The following AGAP1 variants were observed in gnomAD, a reference collection of about 807,000 sequenced individuals.
The protein encoded by AGAP1 is ArfGAP with GTPase domain, ankyrin repeat and PH domain 1.
A neutral mutation model predicts 105.3 loss-of-function variants in AGAP1; 29 were observed. The observed-to-expected ratio is 0.28, with a 90% CI of 0.21 to 0.38. The LOEUF is 0.38. AGAP1 is among the 10% of genes least tolerant of loss of function. The pLI, the probability that AGAP1 is intolerant of heterozygous loss-of-function variation, is 1.00. For missense variants in AGAP1, 998 were observed against 1,165.1 expected (o/e 0.86, Z 2.09); for synonymous variants, 509 against 485.9 (o/e 1.05, Z -0.63).
At chr2:235,738,406 G>T (rs1559416499) in intron 3 of AGAP1, among the ~76,000 whole-genome samples, 1 of 151,956 alleles carries the variant, frequency 6.6e-6, no homozygotes, top group African/African-American at 2.4e-5. Context: ...TTACGTGCTG[G>T]AGGTCACTCA....
Position 235,750,820 on chromosome 2 carries a change from C to A in AGAP1, c.673+332C>A, listed in dbSNP as rs1953362987. Among the ~76,000 whole-genome samples the A allele has an allele frequency of 6.6e-6, 1 of 152,082 alleles. No individual in the cohort carries two copies. Among genetic ancestry groups the A allele is most frequent in the Non-Finnish European group, 1.5e-5 (1 of 68,026 alleles). ...CTGTAAAACTTGTTTGTGAGCATTTCTTTATTGTAATTGCCCATTCTTAAT... is the reference window on the plus strand; with the variant it reads ...CTGTAAAACTTGTTTGTGAGCATTTATTTATTGTAATTGCCCATTCTTAAT... On this transcript the variant is annotated intron_variant, in intron 6 of 17. Coordinates refer to ENST00000304032, the MANE Select transcript of AGAP1 (RefSeq NM_001037131.3). This position sits in a 1 kb window ranked among gnomAD's most constrained non-coding sequence, Gnocchi z 5.3.
chr2:235,576,315 G>A (rs1394885529), intron 1 of AGAP1, among the ~76,000 whole-genome samples: 1 of 152,168 alleles, frequency 6.6e-6, no homozygotes, highest in East Asian at 1.9e-4. Flanking sequence ...GTGTTTGGGG[G>A]CCAGAAGTTG....
intron 8 of AGAP1, among the ~76,000 whole-genome samples, chr2:235,803,630 AC>A (rs1360792730): frequency 1.3e-5 from 2 of 152,146 alleles, no homozygotes; most frequent in African/African-American, 4.8e-5. Context: ...TTTTTCCAAT[AC>A]CATTTTACAC....
chr2:235,651,178 C>T (rs1205207567), intron 1 of AGAP1, among the ~76,000 whole-genome samples: 23 of 87,782 alleles, frequency 2.6e-4, no homozygotes, highest in Non-Finnish European at 4.6e-4. Flanking sequence ...GAGTGAAACT[C>T]CATCTCAAAA....
Position 235,519,712 on chromosome 2 carries a change from G to A in AGAP1, c.163+24863G>A, listed in dbSNP as rs552809803. ...TGTAGAATAAGCGTAATGATCTCCT[G>A]TGTACCCTCAACCAGCTTCAGTAAT... is the stretch of plus-strand genomic sequence containing the variant. On this transcript the variant is annotated intron_variant, in intron 1 of 17. Transcript: ENST00000304032. Among the ~76,000 whole-genome samples, 115 of 152,242 alleles carry A rather than the reference G, an allele frequency of 7.6e-4. 1 individual carries two copies. Among genetic ancestry groups the A allele is most frequent in the African/African-American group, 2.7e-3 (112 of 41,550 alleles).
intron 1 of AGAP1, among the ~76,000 whole-genome samples, chr2:235,680,028 C>T (rs1191088704): frequency 6.6e-6 from 1 of 152,198 alleles, no homozygotes; most frequent in Non-Finnish European, 1.5e-5. Flanking sequence ...ATAAAAAGCA[C>T]CGTGGCTTAA....
chr2:235,834,864 C>A (rs1304810067), intron 9 of AGAP1, among the ~76,000 whole-genome samples: 1 of 152,150 alleles, frequency 6.6e-6, no homozygotes, highest in African/African-American at 2.4e-5. Context: ...GGATGAGGCC[C>A]CTCTGCCATA....
intron 9 of AGAP1, among the ~76,000 whole-genome samples, chr2:235,821,197 A>G (rs1275765857): frequency 3.3e-5 from 5 of 152,206 alleles, no homozygotes; most frequent in Non-Finnish European, 4.4e-5. Flanking sequence ...TGCTAACTGA[A>G]TAGTACCAGG....
At chr2:236,049,511 T>TC in intron 16 of AGAP1, 1 of 465,140 alleles carries the variant, frequency 2.1e-6, no homozygotes, top group Non-Finnish European at 3.8e-6. Flanking sequence ...GGGATTTCTC[T>TC]CCCCCCTCTT....
chr2:236,103,631 G>A (rs371001654), intron 16 of AGAP1, among the ~76,000 whole-genome samples: 1 of 150,152 alleles, frequency 6.7e-6, no homozygotes, highest in African/African-American at 2.5e-5. Context: ...GTGCAATGGC[G>A]TGGTCTCGGC....
At position 236,057,367 on chromosome 2, in the gene AGAP1, C is replaced by T. The variant is rs189790890; in HGVS notation, c.2114+8086C>T. Among the ~76,000 whole-genome samples the T allele has an allele frequency of 3.1e-4, 47 of 152,346 alleles. No homozygotes were observed. In the East Asian group the frequency reaches 8.1e-3, roughly 26 times the overall value. Reference sequence around the variant, plus strand: ...CAGGTGATTTGCCTGCCTTGGCCCCCCAAAGTGCTGGGATTACAGGCATGA... The same window carrying T: ...CAGGTGATTTGCCTGCCTTGGCCCCTCAAAGTGCTGGGATTACAGGCATGA... On this transcript the variant is annotated intron_variant, in intron 16 of 17. Transcript: ENST00000304032.
chr2:236,128,599 A>G lies in AGAP1; in HGVS notation c.*4477A>G, dbSNP rs1430595357. On this transcript the variant is annotated 3_prime_UTR_variant, in exon 18 of 18. Coordinates refer to ENST00000304032, the MANE Select transcript of AGAP1 (RefSeq NM_001037131.3). This position sits in a 1 kb window ranked among gnomAD's most constrained non-coding sequence, Gnocchi z 5.9. The stretch of plus-strand genomic sequence containing the variant: ...CTTACCCCACAAGAGTGGCCTGCTC[A>G]ACCTGCAGCCTCCAATGTGCCGTAG... 1 of 152,116 alleles carries G rather than the reference A, an allele frequency of 6.6e-6. No homozygotes were observed. The highest frequency in any genetic ancestry group is 1.5e-5 in the Non-Finnish European group (1 of 68,084). The allele number at this position is 152,116 out of a possible 1,614,324, so 9.4% of individuals were successfully genotyped here. A position where few individuals can be genotyped will look rare whatever the true frequency, so the allele number is the denominator to read the frequency against.
In AGAP1 at chr2:235,927,215, G is replaced by A. The variant is rs1484751895; in HGVS notation, c.1325-3550G>A. Among the ~76,000 whole-genome samples the A allele has an allele frequency of 3.9e-5, 6 of 152,196 alleles. No individual in the cohort carries two copies. The highest frequency in any genetic ancestry group is 2.6e-4 in the Admixed American group (4 of 15,290). Reference sequence around the variant, plus strand: ...GGCTCTAAGAGTCTGCCGTCAGAAGGATTGTGGATAGCTGGTCTGGTGTCT... The same window carrying A: ...GGCTCTAAGAGTCTGCCGTCAGAAGAATTGTGGATAGCTGGTCTGGTGTCT... On this transcript the variant is annotated intron_variant, in intron 11 of 17. Transcript: ENST00000304032. This position sits in a 1 kb window ranked among gnomAD's most constrained non-coding sequence, Gnocchi z 4.4.
At chr2:235,773,153 G>A (rs1955588557) in intron 6 of AGAP1, among the ~76,000 whole-genome samples, 1 of 152,140 alleles carries the variant, frequency 6.6e-6, no homozygotes. Flanking sequence ...CGGAGCATAG[G>A]GGCTCAAGAA....
chr2:235,557,031 A>G lies in AGAP1; in HGVS notation c.163+62182A>G, dbSNP rs529676972. Among the ~76,000 whole-genome samples, 1 of 152,308 alleles carries G rather than the reference A, an allele frequency of 6.6e-6. No individual in the cohort carries two copies. The highest frequency in any genetic ancestry group is 1.9e-4 in the East Asian group (1 of 5,168). ...CTGGAGGTTGGGGGGCGGATCCCGA[A>G]GGCAGACTTGGCCTTCCCAGCTGGC... On this transcript the variant is annotated intron_variant, in intron 1 of 17. Coordinates refer to ENST00000304032, the MANE Select transcript of AGAP1 (RefSeq NM_001037131.3). This position sits in a 1 kb window ranked among gnomAD's most constrained non-coding sequence, Gnocchi z 4.7.
rs144198029 is a variant in AGAP1 at position 235,970,773 on chromosome 2, G to A, written c.1645+2150G>A. Among the ~76,000 whole-genome samples the A allele has an allele frequency of 5.5e-4, 84 of 152,300 alleles. No individual in the cohort carries two copies. The highest frequency in any genetic ancestry group is 1.6e-3 in the African/African-American group (65 of 41,574). ...ACCACCCAGTGTTCCATTCAGCACC[G>A]GTGAGTTTGAAGGAAGTTTGACAAG... On this transcript the variant is annotated intron_variant, in intron 13 of 17. Transcript: ENST00000304032. The surrounding 1 kb of genome is among the most constrained non-coding windows in gnomAD (Gnocchi z 5.4).
intron 1 of AGAP1, chr2:235,507,009 T>C (rs10176787): frequency 0.24 from 37,358 of 152,976 alleles, 6,878 homozygotes; most frequent in African/African-American, 0.51. Flanking sequence ...TCCCTGGAGC[T>C]CGTGGGCAGC....
intron 6 of AGAP1, among the ~76,000 whole-genome samples, chr2:235,790,567 C>G (rs1019466833): frequency 6.6e-6 from 1 of 152,212 alleles, no homozygotes; most frequent in Non-Finnish European, 1.5e-5. Flanking sequence ...CTTCACTTCT[C>G]TATTCAATTT....
chr2:236,025,116 G>A (rs2057011504), intron 13 of AGAP1, among the ~76,000 whole-genome samples: 1 of 152,196 alleles, frequency 6.6e-6, no homozygotes, highest in African/African-American at 2.4e-5. Context: ...ACCATCAGGA[G>A]CTTCTACAAC....
Sources: gnomAD v4.1 joint callset for allele counts (sites outside exome capture counted in the v4.1 genomes callset) on GRCh38, gnomAD v4.1.1 for gene constraint, Gnocchi (gnomAD v3.1) non-coding constraint, MANE v1.5 for transcripts, NCBI Gene and HGNC (gene_info 2026-07-23, HGNC 2026-07-21) for gene names.